Variants in NEK10 observed in about 807,000 individuals in gnomAD.
NEK10 encodes the protein serine/threonine-protein kinase Nek10.
NEK10 carries 122 observed loss-of-function variants against 159.8 expected under a neutral mutation model. The ratio of observed to expected loss-of-function variants is 0.76; its 90% CI spans 0.66 to 0.89. The LOEUF is 0.89. Ranked by LOEUF, NEK10 falls within the 40% of genes least tolerant of loss-of-function variation. NEK10 has a pLI of 0.00. For missense variants in NEK10, 1,342 were observed against 1,323.1 expected, an observed-to-expected ratio of 1.01 and a Z score of -0.22; for synonymous variants, 466 against 457.1, an observed-to-expected ratio of 1.02 and a Z score of -0.25.
intron 23 of NEK10, among the ~76,000 whole-genome samples, chr3:27,226,560 C>A (rs192322835): frequency 6.6e-6 from 1 of 152,166 alleles, no homozygotes; most frequent in South Asian, 2.1e-4. Context: ...TGCTTTTTAA[C>A]TCTGGGTCAC....
chr3:27,166,432 A>C (rs1946483414), intron 29 of NEK10, among the ~76,000 whole-genome samples: 1 of 152,210 alleles, frequency 6.6e-6, no homozygotes, highest in Admixed American at 6.6e-5. Context: ...GTGAGACATT[A>C]GCAGATGGGC....
At chr3:27,165,503 T>C (rs1049897491) in intron 29 of NEK10, among the ~76,000 whole-genome samples, 1 of 152,198 alleles carries the variant, frequency 6.6e-6, no homozygotes, top group African/African-American at 2.4e-5. Context: ...ACAGAGAACA[T>C]TCCAGAAATA....
chr3:27,321,094 G>A (rs1319022875), intron 6 of NEK10, among the ~76,000 whole-genome samples: 1 of 151,744 alleles, frequency 6.6e-6, no homozygotes, highest in East Asian at 1.9e-4. Flanking sequence ...ATAAAATCGA[G>A]TTCAAAATTA....
chr3:27,184,257 T>C (rs1023198706), intron 26 of NEK10, among the ~76,000 whole-genome samples: 3 of 152,154 alleles, frequency 2.0e-5, no homozygotes, highest in Non-Finnish European at 4.4e-5. Flanking sequence ...TATGAACAAA[T>C]TACTAATACA....
chr3:27,284,506 C>A, intron 22 of NEK10, 96 bp downstream of exon 22: 1 of 714,706 alleles, frequency 1.4e-6, no homozygotes, highest in South Asian at 1.7e-5. Context: ...AGACAAAGAA[C>A]ATTCCCATGA....
chr3:27,221,922 T>G (rs113504671), intron 23 of NEK10, among the ~76,000 whole-genome samples: 1,755 of 152,198 alleles, frequency 0.012, 10 homozygotes, highest in South Asian at 0.021. Flanking sequence ...TAGTGATACT[T>G]CTCCATGTTG....
chr3:27,117,956 AC>A (rs1453577376), intron 33 of NEK10, among the ~76,000 whole-genome samples: 1 of 152,172 alleles, frequency 6.6e-6, no homozygotes, highest in African/African-American at 2.4e-5. Context: ...TTTGGGTTTT[AC>A]ATTTAAGTCT....
intron 23 of NEK10, among the ~76,000 whole-genome samples, chr3:27,223,570 T>C (rs1477036288): frequency 6.6e-6 from 1 of 152,226 alleles, no homozygotes; most frequent in Non-Finnish European, 1.5e-5. Context: ...GGGAACTTTC[T>C]CACATCGTGT....
chr3:27,257,524 T>C (rs1956329365), intron 22 of NEK10, among the ~76,000 whole-genome samples: 1 of 152,188 alleles, frequency 6.6e-6, no homozygotes, highest in African/African-American at 2.4e-5. Flanking sequence ...CATTTCAAAA[T>C]AATAAAAATT....
intron 5 of NEK10, among the ~76,000 whole-genome samples, chr3:27,337,786 C>G (rs1299362049): frequency 6.6e-6 from 1 of 152,068 alleles, no homozygotes; most frequent in Admixed American, 6.6e-5. Context: ...TCTCTCTCAC[C>G]ATATACAAAA....
chr3:27,291,383 T>A lies in NEK10; in HGVS notation c.1484A>T (p.Glu495Val), dbSNP rs1559442488. The change falls in exon 18 of 36, where the codon GAA becomes GTA. Residue 495 changes from glutamate to valine, a missense_variant. Coordinates refer to ENST00000691995, the MANE Select transcript of NEK10 (RefSeq NM_001394966.1). The stretch of plus-strand genomic sequence containing the variant: ...AATATTTTCAGCAATTTGCTTCAGT[T>A]CATCCTCCTAATCAAAATATAAAAA... ...VSKLNLLVED[E>V]LKQIAENIES... 1 of 1,612,208 alleles carries A rather than the reference T, an allele frequency of 6.2e-7. No homozygotes were observed. The highest frequency in any genetic ancestry group is 1.7e-5 in the Admixed American group (1 of 59,764).
Position 27,301,754 on chromosome 3 carries a change from A to T in NEK10, c.1110T>A (p.His370Gln). The T allele has an allele frequency of 6.4e-7, 1 of 1,574,588 alleles. No homozygotes were observed. Among genetic ancestry groups the T allele is most frequent in the African/African-American group, 1.4e-5 (1 of 74,022 alleles). Residue 370 changes from histidine to glutamine, a missense_variant, in exon 13 of 36, where the codon CAT becomes CAA. Physicochemically the swap from His to Gln is conservative, Grantham distance 24 (BLOSUM62 0). Coordinates refer to ENST00000691995, the MANE Select transcript of NEK10 (RefSeq NM_001394966.1). ...ANAAGRIQQL[H>Q]LSEDLSPREI... is the part of the protein sequence containing the mutation. ...CCCTAGGGCTCAAGTCTTCTGATAA[A>T]TGAAGCTGCTGGATTCGGCCTGCAG...
intron 1 of NEK10, among the ~76,000 whole-genome samples, chr3:27,360,599 AAG>A (rs1277108520): frequency 1.3e-5 from 2 of 152,202 alleles, no homozygotes; most frequent in Admixed American, 6.5e-5. Context: ...AGATGGGAAA[AAG>A]AGAACTTGTT....
At chr3:27,169,171 T>A (rs1946734297) in intron 29 of NEK10, among the ~76,000 whole-genome samples, 1 of 152,222 alleles carries the variant, frequency 6.6e-6, no homozygotes, top group Non-Finnish European at 1.5e-5. Flanking sequence ...TAAAACTCAC[T>A]TAATTGGGAG....
At chr3:27,352,632 G>A (rs2048053449) in intron 2 of NEK10, 107 bp from the exon 3 acceptor site, 2 of 874,584 alleles carry the variant, frequency 2.3e-6, no homozygotes, top group African/African-American at 1.7e-5. Flanking sequence ...TTATCAACTG[G>A]AATGAATACA....
At chr3:27,350,343 A>G (rs1370146850) in intron 3 of NEK10, among the ~76,000 whole-genome samples, 1 of 152,054 alleles carries the variant, frequency 6.6e-6, no homozygotes, top group Non-Finnish European at 1.5e-5. Context: ...GTCTCTTTAT[A>G]AGCTCTTAAT....
intron 11 of NEK10, among the ~76,000 whole-genome samples, chr3:27,305,646 C>T (rs182236448): frequency 1.4e-4 from 20 of 145,648 alleles, no homozygotes; most frequent in Admixed American, 1.1e-3. Context: ...ATAATAAAAG[C>T]CTTATTCTAG....
In NEK10 at chr3:27,291,591, A is replaced by C. The variant is rs187984954; in HGVS notation, c.1374-5T>G. 6.1e-6 allele frequency: 9 copies of C among 1,482,848 alleles called. No homozygotes were observed. Among genetic ancestry groups the C allele is most frequent in the Non-Finnish European group, 7.5e-6 (8 of 1,060,730 alleles). 91.9% of individuals were successfully genotyped at this position (1,482,848 alleles called of 1,614,324 possible). Reference sequence around the variant, plus strand: ...AACAAGTCTGTGGGGAAAAGTCTACAGAGAATATTACACACACTTAAAGTA... The same window carrying C: ...AACAAGTCTGTGGGGAAAAGTCTACCGAGAATATTACACACACTTAAAGTA... On this transcript the variant is annotated splice_region_variant and splice_polypyrimidine_tract_variant and intron_variant, in intron 16 of 35. Transcript: ENST00000691995.
At chr3:27,327,243 A>C (rs2149686670) in intron 5 of NEK10, among the ~76,000 whole-genome samples, 1 of 152,082 alleles carries the variant, frequency 6.6e-6, no homozygotes, top group East Asian at 1.9e-4. Context: ...ATATGGGAAC[A>C]GTAGCATTCA....
Sources: gnomAD v4.1 joint callset for allele counts (sites outside exome capture counted in the v4.1 genomes callset) on GRCh38, gnomAD v4.1.1 for gene constraint, MANE v1.5 for transcripts, NCBI Gene and HGNC (gene_info 2026-07-23, HGNC 2026-07-21) for gene names.